Variants in PCDH15 observed in about 807,000 individuals in gnomAD.
The protein encoded by PCDH15 is protocadherin-15.
PCDH15 carries 129 observed loss-of-function variants against 178.5 expected under a neutral mutation model. The observed-to-expected ratio is 0.72, with a 90% CI of 0.63 to 0.84. The LOEUF is 0.84. PCDH15 is among the 40% of genes least tolerant of loss of function. The pLI, the probability that PCDH15 is intolerant of heterozygous loss-of-function variation, is 0.00. For missense variants in PCDH15, 2,230 were observed against 2,099.9 expected, an observed-to-expected ratio of 1.06 and a Z score of -1.21; for synonymous variants, 800 against 732.0, an observed-to-expected ratio of 1.09 and a Z score of -1.50.
intron 18 of PCDH15, among the ~76,000 whole-genome samples, chr10:54,056,276 T>C (rs1298876325): frequency 6.6e-6 from 1 of 152,278 alleles, no homozygotes; most frequent in African/African-American, 2.4e-5. Flanking sequence ...CTTGAAAATA[T>C]ACAACACATT....
chr10:55,557,294 A>AT (rs956863375), intron 2 of PCDH15, among the ~76,000 whole-genome samples: 1 of 152,152 alleles, frequency 6.6e-6, no homozygotes, highest in Non-Finnish European at 1.5e-5. Flanking sequence ...TCATAACATA[A>AT]TAAGACTATT....
intron 3 of PCDH15, among the ~76,000 whole-genome samples, chr10:54,502,097 C>G (rs929924871): frequency 2.6e-5 from 4 of 151,940 alleles, no homozygotes; most frequent in Non-Finnish European, 5.9e-5. Flanking sequence ...CCACTCCCTT[C>G]TTCTGGCTAA....
intron 2 of PCDH15, among the ~76,000 whole-genome samples, chr10:55,482,079 G>C (rs1840193906): frequency 6.6e-6 from 1 of 151,760 alleles, no homozygotes; most frequent in Non-Finnish European, 1.5e-5. Context: ...TTACCATTAT[G>C]TAGGCCTTTT....
chr10:54,029,295 A>G (rs922750722), intron 18 of PCDH15, among the ~76,000 whole-genome samples: 1 of 152,224 alleles, frequency 6.6e-6, no homozygotes, highest in Non-Finnish European at 1.5e-5. Flanking sequence ...ATGAAAATAT[A>G]TATTTTCCTA....
chr10:54,043,836 C>T (rs995235000), intron 18 of PCDH15, among the ~76,000 whole-genome samples: 1 of 152,044 alleles, frequency 6.6e-6, no homozygotes, highest in African/African-American at 2.4e-5. Flanking sequence ...AGACTGAAAA[C>T]TTCACTTTCT....
intron 1 of PCDH15, among the ~76,000 whole-genome samples, chr10:55,255,484 G>A (rs1315717168): frequency 1.3e-5 from 2 of 152,100 alleles, no homozygotes; most frequent in Admixed American, 1.3e-4. Context: ...GGAACGGCTG[G>A]GTCAAATGGT....
At chr10:54,278,954 A>G (rs1479598958) in intron 8 of PCDH15, among the ~76,000 whole-genome samples, 2 of 151,588 alleles carry the variant, frequency 1.3e-5, no homozygotes, top group African/African-American at 2.4e-5. Flanking sequence ...TGTTTCTAAA[A>G]AAGTATACAT....
intron 18 of PCDH15, among the ~76,000 whole-genome samples, chr10:54,054,994 C>A (rs2093854736): frequency 6.6e-6 from 1 of 152,116 alleles, no homozygotes; most frequent in Non-Finnish European, 1.5e-5. Flanking sequence ...ATGCTCTCCA[C>A]CTTCATTTTA....
chr10:55,494,776 A>G (rs955157801), intron 2 of PCDH15, among the ~76,000 whole-genome samples: 8 of 151,702 alleles, frequency 5.3e-5, no homozygotes, highest in African/African-American at 1.7e-4. Flanking sequence ...AACTTTTATA[A>G]GTTTGTTATG....
At chr10:53,851,624 G>A (rs1017574988) in intron 28 of PCDH15, among the ~76,000 whole-genome samples, 4 of 141,342 alleles carry the variant, frequency 2.8e-5, no homozygotes, top group South Asian at 2.2e-4. Context: ...AGCAGTTAGC[G>A]TTTCATAGGT....
chr10:55,210,542 G>A (rs1215533871), intron 1 of PCDH15, among the ~76,000 whole-genome samples: 2 of 146,066 alleles, frequency 1.4e-5, no homozygotes, highest in African/African-American at 5.0e-5. Flanking sequence ...TGTAGTTGAA[G>A]CATGGAGGAA....
intron 5 of PCDH15, among the ~76,000 whole-genome samples, chr10:54,347,564 A>C (rs1943504383): frequency 6.6e-6 from 1 of 152,140 alleles, no homozygotes; most frequent in Non-Finnish European, 1.5e-5. Flanking sequence ...GAGGCAACAA[A>C]AAAGTTGCCT....
intron 2 of PCDH15, among the ~76,000 whole-genome samples, chr10:55,542,275 T>A (rs1322987192): frequency 6.6e-6 from 1 of 151,172 alleles, no homozygotes; most frequent in Admixed American, 6.6e-5. Context: ...TATGTCTATA[T>A]TATGTATATA....
At chr10:55,415,048 A>G (rs1227380053) in intron 2 of PCDH15, among the ~76,000 whole-genome samples, 1 of 151,572 alleles carries the variant, frequency 6.6e-6, no homozygotes, top group East Asian at 1.9e-4. Flanking sequence ...TAGTTGTAAG[A>G]TGTTTATAAA....
chr10:54,475,607 T>C (rs527541111), intron 3 of PCDH15, among the ~76,000 whole-genome samples: 2 of 152,070 alleles, frequency 1.3e-5, no homozygotes, highest in East Asian at 3.9e-4. Context: ...TTCTGAAATA[T>C]ATCTTATTTA....
At chr10:53,816,209 T>C (rs1249742109) in intron 35 of PCDH15, 30 bp downstream of exon 35, 2 of 398,612 alleles carry the variant, frequency 5.0e-6, no homozygotes, top group Admixed American at 4.4e-5. Context: ...GAAGGCTCAG[T>C]GAGGTTGAAA....
At position 53,806,584 on chromosome 10, in the gene PCDH15, G is replaced by A. The variant is rs527870166; in HGVS notation, c.5218C>T (p.Leu1740=). 2 of 1,593,238 alleles carry A rather than the reference G, an allele frequency of 1.3e-6. No individual in the cohort carries two copies. The highest frequency in any genetic ancestry group is 1.3e-5 in the African/African-American group (1 of 74,366). ...WNNLHIPMTK[L] ...AATATCTTTTAAAAAATTGGTCACA[G>A]TTTTGTCATTGGTATATGGAGGTTG... is the stretch of plus-strand genomic sequence containing the variant. Residue 1740 remains leucine, a synonymous_variant, in exon 38 of 38, where the codon CTG becomes TTG. Coordinates refer to ENST00000644397, the MANE Select transcript of PCDH15 (RefSeq NM_001384140.1).
intron 2 of PCDH15, among the ~76,000 whole-genome samples, chr10:54,529,177 T>C (rs1212807422): frequency 1.4e-5 from 2 of 144,316 alleles, no homozygotes; most frequent in Non-Finnish European, 3.1e-5. Flanking sequence ...TACGCTCTCA[T>C]ATGAAGCAAA....
At chr10:54,307,153 A>C (rs2060612879) in intron 8 of PCDH15, among the ~76,000 whole-genome samples, 1 of 99,326 alleles carries the variant, frequency 1.0e-5, no homozygotes, top group Admixed American at 1.2e-4. Flanking sequence ...TATATATAAA[A>C]TTGCTTCAGT....
Sources: allele counts gnomAD v4.1 joint callset (sites outside exome capture counted in the v4.1 genomes callset), GRCh38; gene constraint gnomAD v4.1.1; transcripts MANE v1.5; gene names NCBI Gene and HGNC (gene_info 2026-07-23, HGNC 2026-07-21).